The following TANC1 variants were observed in gnomAD, a reference collection of about 807,000 sequenced individuals.
The protein encoded by TANC1 is protein TANC1.
In TANC1, 77 loss-of-function variants were observed where a neutral mutation model predicts 149.7. The observed-to-expected ratio is 0.51, with a 90% CI of 0.43 to 0.62. The LOEUF (loss-of-function observed/expected upper bound fraction) is 0.62. Ranked by LOEUF, TANC1 falls within the 20% of genes least tolerant of loss-of-function variation. The probability of loss-of-function intolerance (pLI) is 0.00; values close to 1 mark genes in which losing one functional copy is unlikely to be tolerated. For missense variants in TANC1, 1,985 were observed against 2,321.8 expected (o/e 0.85, Z 2.98); for synonymous variants, 854 against 925.0 (o/e 0.92, Z 1.39).
At chr2:159,193,637 G>A (rs1430962356) in intron 16 of TANC1, among the ~76,000 whole-genome samples, 2 of 152,188 alleles carry the variant, frequency 1.3e-5, no homozygotes, top group East Asian at 3.9e-4. Context: ...CGATTCTCCT[G>A]CCTCAGCCTC....
intron 3 of TANC1, among the ~76,000 whole-genome samples, chr2:159,075,857 C>T: frequency 6.6e-6 from 1 of 152,040 alleles, no homozygotes; most frequent in African/African-American, 2.4e-5. Flanking sequence ...AGGAAATGAA[C>T]TTTTTATAAG....
At chr2:159,198,847 T>C (rs2058048025) in intron 18 of TANC1, 128 bp from the exon 19 acceptor site, 3 of 592,972 alleles carry the variant, frequency 5.1e-6, no homozygotes, top group African/African-American at 3.8e-5. Flanking sequence ...GTTTTCATTA[T>C]ATTTTTCTCT....
At chr2:159,049,981 G>T (rs2041349262) in intron 2 of TANC1, among the ~76,000 whole-genome samples, 1 of 152,198 alleles carries the variant, frequency 6.6e-6, no homozygotes, top group African/African-American at 2.4e-5. Context: ...GGGTATTCTG[G>T]TCATTTTTCC....
At chr2:159,045,848 A>G (rs2040997821) in intron 2 of TANC1, among the ~76,000 whole-genome samples, 1 of 152,228 alleles carries the variant, frequency 6.6e-6, no homozygotes, top group African/African-American at 2.4e-5. Context: ...ATGCGATAGC[A>G]TTTTCTATGA....
chr2:159,154,786 C>T (rs1238948015), intron 7 of TANC1, among the ~76,000 whole-genome samples: 1 of 152,012 alleles, frequency 6.6e-6, no homozygotes, highest in African/African-American at 2.4e-5. Context: ...ATTGGCATTA[C>T]CTAGAAGTTG....
At chr2:159,126,033 C>T (rs1305537222) in intron 4 of TANC1, among the ~76,000 whole-genome samples, 1 of 152,190 alleles carries the variant, frequency 6.6e-6, no homozygotes, top group Admixed American at 6.5e-5. Context: ...GACCCTTCCT[C>T]CTGCCTTTTC....
At chr2:159,026,853 G>T (rs1464640574) in intron 2 of TANC1, among the ~76,000 whole-genome samples, 1 of 152,132 alleles carries the variant, frequency 6.6e-6, no homozygotes, top group African/African-American at 2.4e-5. Flanking sequence ...AAACCATTCC[G>T]CCCTTCTAGA....
At chr2:159,174,293 CCT>C (rs2055599082) in intron 11 of TANC1, among the ~76,000 whole-genome samples, 1 of 152,164 alleles carries the variant, frequency 6.6e-6, no homozygotes, top group Non-Finnish European at 1.5e-5. Context: ...CATTCCTTTT[CCT>C]CTCAGTACCT....
chr2:159,219,149 T>C (rs1473225369), intron 20 of TANC1, 89 bp from the exon 21 acceptor site: 13 of 1,528,870 alleles, frequency 8.5e-6, no homozygotes, highest in Non-Finnish European at 1.1e-5. Context: ...GTCATTTGAC[T>C]ATTTTTAAAG....
In TANC1 at chr2:159,019,807, A is replaced by G. The variant is rs147116844; in HGVS notation, c.-16+18618A>G. On this transcript the variant is annotated intron_variant, in intron 2 of 26. Coordinates refer to ENST00000263635, the MANE Select transcript of TANC1 (RefSeq NM_033394.3). ...GGCTGAGTTTTGTATTTTTTGATAG[A>G]GACGGGGTTTCGACATGTTGGCCAG... Among the ~76,000 whole-genome samples the G allele has an allele frequency of 1.1e-4, 16 of 151,418 alleles. No homozygotes were observed. In the East Asian group the frequency reaches 2.7e-3, roughly 26 times the overall value.
chr2:159,071,272 A>C (rs2043134319), intron 3 of TANC1, among the ~76,000 whole-genome samples: 1 of 152,236 alleles, frequency 6.6e-6, no homozygotes, highest in Admixed American at 6.5e-5. Flanking sequence ...AGACTGATTA[A>C]GGAATAGTTC....
chr2:159,018,028 C>T (rs1051706779), intron 2 of TANC1, among the ~76,000 whole-genome samples: 2 of 152,086 alleles, frequency 1.3e-5, no homozygotes, highest in African/African-American at 4.8e-5. Flanking sequence ...ATAGAACAGG[C>T]GTGAATCAAA....
At chr2:158,970,149 G>T (rs2032633246) in intron 1 of TANC1, among the ~76,000 whole-genome samples, 1 of 151,888 alleles carries the variant, frequency 6.6e-6, no homozygotes, top group Non-Finnish European at 1.5e-5. Context: ...TGTTTGGAGG[G>T]GTGGGGGTGG....
intron 1 of TANC1, among the ~76,000 whole-genome samples, chr2:158,975,007 T>C (rs1222973224): frequency 6.7e-6 from 1 of 149,902 alleles, no homozygotes; most frequent in East Asian, 2.0e-4. Context: ...TGCCTTGGCC[T>C]CTCAAAGTGC....
At chr2:159,016,818 C>T (rs553329631) in intron 2 of TANC1, among the ~76,000 whole-genome samples, 1 of 152,222 alleles carries the variant, frequency 6.6e-6, no homozygotes, top group Admixed American at 6.5e-5. Context: ...TTGTGATCTG[C>T]CCGCCTTGGC....
At chr2:159,181,884 A>T (rs1181959478) in intron 14 of TANC1, among the ~76,000 whole-genome samples, 2 of 152,092 alleles carry the variant, frequency 1.3e-5, no homozygotes, top group Non-Finnish European at 2.9e-5. Flanking sequence ...GCATTCCAGA[A>T]ATAGAATTAT....
At chr2:159,083,047 G>A (rs533931517) in intron 3 of TANC1, among the ~76,000 whole-genome samples, 28 of 152,302 alleles carry the variant, frequency 1.8e-4, no homozygotes, top group Admixed American at 1.6e-3. Flanking sequence ...CTGGGTTCAA[G>A]TGATTCTCCT....
intron 19 of TANC1, among the ~76,000 whole-genome samples, chr2:159,200,121 A>C (rs1394671735): frequency 6.6e-6 from 1 of 152,228 alleles, no homozygotes; most frequent in Non-Finnish European, 1.5e-5. Context: ...TAAACAGTAT[A>C]GGCTGCTCTA....
intron 4 of TANC1, among the ~76,000 whole-genome samples, chr2:159,135,380 T>C (rs2050559559): frequency 6.6e-6 from 1 of 152,270 alleles, no homozygotes. Context: ...CTGTGAGCAT[T>C]CGTGTACAAG....
Sources: allele counts gnomAD v4.1 joint callset (sites outside exome capture counted in the v4.1 genomes callset), GRCh38; gene constraint gnomAD v4.1.1; transcripts MANE v1.5; gene names NCBI Gene and HGNC (gene_info 2026-07-23, HGNC 2026-07-21).